The following RHBG variants were observed in gnomAD, a reference collection of about 807,000 sequenced individuals.
RHBG encodes the protein Rh family B glycoprotein.
RHBG carries 39 observed loss-of-function variants against 40.1 expected under a neutral mutation model. That is an observed-to-expected ratio of 0.97 (90% confidence interval 0.75 to 1.27). RHBG has a LOEUF of 1.27. RHBG is among the 50% of genes most tolerant of loss of function. RHBG has a pLI of 0.00. For missense variants in RHBG, 549 were observed against 588.1 expected (o/e 0.93, Z 0.69); for synonymous variants, 237 against 252.5 (o/e 0.94, Z 0.58).
At chr1:156,378,225 G>A (rs772506995) in intron 3 of RHBG, 27 bp from the exon 4 acceptor site, 1 of 1,611,060 alleles carries the variant, frequency 6.2e-7, no homozygotes, top group African/African-American at 1.3e-5. Flanking sequence ...TGGGGGCGGG[G>A]TGCTGCCTCT....
Position 156,369,294 on chromosome 1 carries a change from TC to T in RHBG, c.49del (p.Leu17CysfsTer110). 1 of 1,614,020 alleles carries T rather than the reference TC, an allele frequency of 6.2e-7. No homozygotes were observed. The highest frequency in any genetic ancestry group is 1.1e-5 in the South Asian group (1 of 91,072). On this transcript the variant is annotated frameshift_variant, in exon 1 of 10. Transcript: ENST00000537040. LOFTEE classifies it high-confidence loss of function. ...SRAAGRRLQL[P>X]LLCLFLQGAT... is the part of the protein sequence containing the mutation. ...GCGCCGCGGGCCGGCGACTGCAGCT[TC>T]CCCTGCTGTGCCTCTTCCTCCAGGG...
At chr1:156,371,164 C>A (rs1008778741) in intron 1 of RHBG, 3 of 388,804 alleles carry the variant, frequency 7.7e-6, no homozygotes, top group South Asian at 5.6e-5. Context: ...TATTTTCTTT[C>A]TTTTTTTTTT....
Position 156,377,161 on chromosome 1 carries a change from C to T in RHBG, c.188-140C>T, listed in dbSNP as rs564252411. The T allele has an allele frequency of 2.3e-5, 22 of 940,794 alleles. No individual in the cohort carries two copies. Among genetic ancestry groups the T allele is most frequent in the Non-Finnish European group, 3.4e-5 (21 of 614,770 alleles). 58.3% of individuals were successfully genotyped at this position (940,794 alleles called of 1,614,324 possible). ...GTGGCTCAGGGCTGGGAGCCCCTGACATGCCTGGGGAGTTTTATAGGCTCG... is the reference window on the plus strand; with the variant it reads ...GTGGCTCAGGGCTGGGAGCCCCTGATATGCCTGGGGAGTTTTATAGGCTCG... On this transcript the variant is annotated intron_variant, in intron 1 of 9. Coordinates refer to ENST00000537040, the MANE Select transcript of RHBG (RefSeq NM_020407.5). This position sits in a 1 kb window ranked among gnomAD's most constrained non-coding sequence, Gnocchi z 4.6.
Position 156,369,354 on chromosome 1 carries a change from C to T in RHBG, c.105C>T (p.Arg35=), listed in dbSNP as rs760226586. 7 of 1,614,218 alleles carry T rather than the reference C, an allele frequency of 4.3e-6. No individual in the cohort carries two copies. The East Asian group carries it at 1.3e-4, about 31-fold the overall frequency. ...CCGTCCTCTTTGCTGTCTTTGTCCG[C>T]TACAACCACAAAACCGACGCTGCCC... is the stretch of plus-strand genomic sequence containing the variant. ...ATAVLFAVFV[R]YNHKTDAALW... The change falls in exon 1 of 10, where the codon CGC becomes CGT. Residue 35 remains arginine (R), a synonymous_variant. Transcript: ENST00000537040.
chr1:156,381,154 G>T (rs1022656952), intron 4 of RHBG, among the ~76,000 whole-genome samples, 193 bp from the exon 5 acceptor site: 28 of 152,158 alleles, frequency 1.8e-4, no homozygotes, highest in Admixed American at 1.2e-3. Context: ...TGCCTGCCTC[G>T]GCCTCCCAAA....
intron 4 of RHBG, 91 bp from the exon 5 acceptor site, chr1:156,381,256 A>G: frequency 7.6e-7 from 1 of 1,309,376 alleles, no homozygotes. Flanking sequence ...GAGGCTGCTG[A>G]GGGTAGGTGA....
rs371596072 is a variant in RHBG, at chr1:156,378,474, C to G, written c.673+75C>G. On this transcript the variant is annotated intron_variant, in intron 4 of 9. Coordinates refer to ENST00000537040, the MANE Select transcript of RHBG (RefSeq NM_020407.5). ...TCATCTGGGCCAGAGGTGACTGTCT[C>G]TCGGGGTGCTGACTGCAGTCCTGGG... 3,073 of 1,501,710 alleles carry G rather than the reference C, an allele frequency of 2.0e-3. 48 individuals carry two copies. The South Asian group carries it at 0.025, about 12-fold the overall frequency. The allele number at this position is 1,501,710 out of a possible 1,614,324, so 93.0% of individuals were successfully genotyped here.
rs920395675 is a variant in RHBG, at chr1:156,377,562, C to A, written c.374+75C>A. The stretch of plus-strand genomic sequence containing the variant: ...CTGCCCATGGGCCCCGGATCTAGCC[C>A]TGTCCTTCAAGTCTGCTTCCTGACT... On this transcript the variant is annotated intron_variant, in intron 2 of 9. Transcript: ENST00000537040. This position sits in a 1 kb window ranked among gnomAD's most constrained non-coding sequence, Gnocchi z 4.6. 1.2e-5 allele frequency: 17 copies of A among 1,469,626 alleles called. No individual in the cohort carries two copies. The highest frequency in any genetic ancestry group is 1.5e-5 in the Non-Finnish European group (16 of 1,083,280). 91.0% of individuals were successfully genotyped at this position (1,469,626 alleles called of 1,614,324 possible). A position where few individuals can be genotyped will look rare whatever the true frequency, so the allele number is the denominator to read the frequency against.
chr1:156,372,127 G>C (rs1666899752), intron 1 of RHBG, among the ~76,000 whole-genome samples: 1 of 152,208 alleles, frequency 6.6e-6, no homozygotes, highest in African/African-American at 2.4e-5. Context: ...TTGTGTGACT[G>C]TTGTTGAGCT....
At chr1:156,371,895 G>A (rs906610068) in intron 1 of RHBG, 6 of 152,272 alleles carry the variant, frequency 3.9e-5, no homozygotes, top group African/African-American at 1.4e-4. Context: ...CAATAAGAGA[G>A]ATATAAAAGG....
chr1:156,378,875 A>T (rs571274269), intron 4 of RHBG, among the ~76,000 whole-genome samples: 1 of 152,214 alleles, frequency 6.6e-6, no homozygotes, highest in South Asian at 2.1e-4. Context: ...GAGATTCCTG[A>T]TGCCTGGAAG....
intron 5 of RHBG, 103 bp from the exon 6 acceptor site, chr1:156,381,703 A>G (rs550142952): frequency 6.8e-7 from 1 of 1,472,728 alleles, no homozygotes; most frequent in Non-Finnish European, 9.1e-7. Flanking sequence ...GTTAGATGGC[A>G]GAGGGACTTC....
In RHBG at chr1:156,378,236, C is replaced by T. The variant is rs775000835; in HGVS notation, c.526-16C>T. ...GGGGTGGGGGCGGGGTGCTGCCTCT[C>T]ACCCCACCTCCCCAGGTGAGAGATG... On this transcript the variant is annotated splice_polypyrimidine_tract_variant and intron_variant, in intron 3 of 9. Coordinates refer to ENST00000537040, the MANE Select transcript of RHBG (RefSeq NM_020407.5). The T allele has an allele frequency of 6.2e-6, 10 of 1,613,186 alleles. No homozygotes were observed. In the East Asian group the frequency reaches 2.2e-4, roughly 36 times the overall value.
In RHBG at chr1:156,384,867, G is replaced by C. The variant is rs1459998694; in HGVS notation, c.*22G>C. On this transcript the variant is annotated 3_prime_UTR_variant, in exon 10 of 10. Transcript: ENST00000537040. ...CTAACCCACTGCCAGCCCCTGAGAG[G>C]ACACGCTCCTTTTCGAAGATGCTGA... is the stretch of plus-strand genomic sequence containing the variant. The C allele has an allele frequency of 1.3e-6, 2 of 1,504,296 alleles. No homozygotes were observed. Among genetic ancestry groups the C allele is most frequent in the Non-Finnish European group, 1.8e-6 (2 of 1,087,564 alleles). 93.2% of individuals were successfully genotyped at this position (1,504,296 alleles called of 1,614,324 possible).
Position 156,381,311 on chromosome 1 carries a change from CCTT to C in RHBG, c.674-30_674-28del, listed in dbSNP as rs1667614376. 5.0e-6 allele frequency: 8 copies of C among 1,611,134 alleles called. No homozygotes were observed. The South Asian group carries it at 5.5e-5, about 11-fold the overall frequency. On this transcript the variant is annotated intron_variant, in intron 4 of 9. Transcript: ENST00000537040. Reference sequence around the variant, plus strand: ...CTTGTACCTTGCGTGGGAGTCACTTCCTTCTTCTCACTCTGCCTGTCTGTCCAC... The same window carrying C: ...CTTGTACCTTGCGTGGGAGTCACTTCCTTCTCACTCTGCCTGTCTGTCCAC...
At chr1:156,384,309 AG>A in intron 8 of RHBG, 1 of 626,164 alleles carries the variant, frequency 1.6e-6, no homozygotes, top group Admixed American at 2.7e-5. Context: ...TTGGCCTTGC[AG>A]GGTTGTTGTG....
chr1:156,371,715 A>G (rs560833505), intron 1 of RHBG: 19 of 152,818 alleles, frequency 1.2e-4, no homozygotes, highest in Non-Finnish European at 2.5e-4. Flanking sequence ...CCAGAGTCTG[A>G]CAGAACTAAG....
intron 6 of RHBG, 57 bp downstream of exon 6, chr1:156,382,000 C>G (rs1041899926): frequency 2.5e-6 from 4 of 1,608,972 alleles, no homozygotes; most frequent in Non-Finnish European, 3.4e-6. Context: ...CCTTTCCTCC[C>G]GCCTCTCCAA....
At chr1:156,384,129 C>T (rs79129650) in intron 8 of RHBG, among the ~76,000 whole-genome samples, 31 of 152,290 alleles carry the variant, frequency 2.0e-4, no homozygotes, top group East Asian at 1.7e-3. Flanking sequence ...CCACTGCGCC[C>T]GGCCACAATA....
Sources: allele counts gnomAD v4.1 joint callset (sites outside exome capture counted in the v4.1 genomes callset), GRCh38; gene constraint gnomAD v4.1.1; non-coding constraint Gnocchi (gnomAD v3.1); transcripts MANE v1.5; gene names NCBI Gene and HGNC (gene_info 2026-07-23, HGNC 2026-07-21).